The following GPBP1 variants were observed in gnomAD, a reference collection of about 807,000 sequenced individuals.
The protein encoded by GPBP1 is vasculin.
Under a neutral mutation model 56.5 loss-of-function variants are expected in GPBP1, and 13 were observed. The observed-to-expected ratio is 0.23, with a 90% CI of 0.15 to 0.37. The LOEUF is 0.37. GPBP1 is among the 10% of genes least tolerant of loss of function. The pLI is 1.00. For missense variants in GPBP1, 477 were observed against 572.3 expected, an observed-to-expected ratio of 0.83 and a Z score of 1.70; for synonymous variants, 204 against 188.9, an observed-to-expected ratio of 1.08 and a Z score of -0.66.
chr5:57,257,543 G>A (rs545064748), intron 10 of GPBP1, among the ~76,000 whole-genome samples: 79 of 152,256 alleles, frequency 5.2e-4, no homozygotes, highest in South Asian at 4.1e-4. Context: ...AAATTCAGAG[G>A]GTTTGGGGAT....
chr5:57,254,440 A>G lies in GPBP1; in HGVS notation c.1160+3299A>G, dbSNP rs142350600. Among the ~76,000 whole-genome samples, 87 of 152,260 alleles carry G rather than the reference A, an allele frequency of 5.7e-4. 1 individual carries two copies. The East Asian group carries it at 0.017, about 29-fold the overall frequency. ...CTGGGCGTTGTGGCTCACACCTGTA[A>G]TCCCAGCACTTTGGAAGGCTAAGGT... On this transcript the variant is annotated intron_variant, in intron 10 of 11. Coordinates refer to ENST00000506184, the MANE Select transcript of GPBP1 (RefSeq NM_022913.4).
In GPBP1 at chr5:57,177,946, GT is replaced by G. The variant is rs569379487; in HGVS notation, c.-58+1554del. Among the ~76,000 whole-genome samples the G allele has an allele frequency of 1.3e-4, 20 of 151,758 alleles. 1 individual carries two copies. Among genetic ancestry groups the G allele is most frequent in the African/African-American group, 3.1e-4 (13 of 41,382 alleles). On this transcript the variant is annotated intron_variant, in intron 2 of 11. Coordinates refer to ENST00000506184, the MANE Select transcript of GPBP1 (RefSeq NM_022913.4). ...AAAGTGGTAGTAAATGTAAAATAGA[GT>G]TTTTTTTCTCTGAAATTGATATTAG...
In GPBP1 at chr5:57,228,281, C is replaced by T. The variant is rs540226746; in HGVS notation, c.64-2565C>T. The stretch of plus-strand genomic sequence containing the variant: ...ACCAGCCTGGCCAATATGGTGAAAC[C>T]CCATCTCTACTGAAAGTACAAAAAT... On this transcript the variant is annotated intron_variant, in intron 3 of 11. Coordinates refer to ENST00000506184, the MANE Select transcript of GPBP1 (RefSeq NM_022913.4). Among the ~76,000 whole-genome samples the T allele has an allele frequency of 3.3e-5, 5 of 152,006 alleles. No individual in the cohort carries two copies. In the South Asian group the frequency reaches 1.0e-3, roughly 32 times the overall value.
chr5:57,187,401 CTT>C (rs1754338537), intron 2 of GPBP1, among the ~76,000 whole-genome samples: 2 of 152,274 alleles, frequency 1.3e-5, no homozygotes, highest in Non-Finnish European at 2.9e-5. Flanking sequence ...ATTTGGGACT[CTT>C]CTCTCTTGAG....
At chr5:57,248,271 C>A (rs1741185454) in intron 8 of GPBP1, among the ~76,000 whole-genome samples, 1 of 151,978 alleles carries the variant, frequency 6.6e-6, no homozygotes, top group African/African-American at 2.4e-5. Context: ...CCTGGTAGTT[C>A]AGGTATTTTC....
chr5:57,246,371 C>G lies in GPBP1; in HGVS notation c.550C>G (p.Gln184Glu), dbSNP rs144970283. The G allele has an allele frequency of 1.4e-5, 23 of 1,613,530 alleles. No homozygotes were observed. Among genetic ancestry groups the G allele is most frequent in the Non-Finnish European group, 1.9e-5 (22 of 1,179,488 alleles). Residue 184 changes from glutamine to glutamate, a missense_variant, in exon 7 of 12, where the codon CAG (glutamine) becomes GAG (glutamate). Physicochemically the swap from Gln to Glu is conservative, Grantham distance 29. This residue lies in a region of GPBP1 where 414 missense variants were observed against 458.2 expected (regional missense o/e 0.90). Coordinates refer to ENST00000506184, the MANE Select transcript of GPBP1 (RefSeq NM_022913.4). ...VIKKGNTKDL[Q>E]LSGFPVVGNL... ...TAAGAAAGGTAATACAAAAGACTTA[C>G]AGCTATCTGGATTCCCAGTAGTAGG...
intron 2 of GPBP1, among the ~76,000 whole-genome samples, chr5:57,198,843 T>C (rs1394117148): frequency 6.6e-6 from 1 of 152,170 alleles, no homozygotes; most frequent in African/African-American, 2.4e-5. Flanking sequence ...ATTTAACTCT[T>C]TTTGGTACTT....
chr5:57,244,342 T>A (rs1010636514), intron 6 of GPBP1, among the ~76,000 whole-genome samples: 7 of 152,370 alleles, frequency 4.6e-5, no homozygotes, highest in African/African-American at 1.4e-4. Flanking sequence ...TGTGTTTGGT[T>A]TCCTCCCTTA....
intron 3 of GPBP1, among the ~76,000 whole-genome samples, chr5:57,220,276 T>G (rs1461267877): frequency 6.6e-6 from 1 of 151,898 alleles, no homozygotes; most frequent in Admixed American, 6.6e-5. Context: ...TGTGAGCCAT[T>G]GAGCCTGGCT....
intron 3 of GPBP1, among the ~76,000 whole-genome samples, chr5:57,222,239 T>C (rs1188836241): frequency 2.0e-5 from 3 of 152,138 alleles, no homozygotes; most frequent in Admixed American, 6.5e-5. Context: ...AAAACACTTA[T>C]ATTAAGGTAA....
rs150835297 is a variant in GPBP1 at position 57,189,606 on chromosome 5, G to A, written c.-58+13206G>A. Among the ~76,000 whole-genome samples the A allele has an allele frequency of 2.4e-3, 370 of 152,248 alleles. 3 individuals carry two copies. The highest frequency in any genetic ancestry group is 8.3e-3 in the African/African-American group (346 of 41,546). ...GTGGTAGCCTTTTAACTTTATTCCTGTACCATTGTGTACTCTATTTCATTA... is the reference window on the plus strand; with the variant it reads ...GTGGTAGCCTTTTAACTTTATTCCTATACCATTGTGTACTCTATTTCATTA... On this transcript the variant is annotated intron_variant, in intron 2 of 11. Transcript: ENST00000506184.
intron 2 of GPBP1, among the ~76,000 whole-genome samples, chr5:57,212,469 T>A (rs1755529903): frequency 6.6e-6 from 1 of 152,122 alleles, no homozygotes; most frequent in African/African-American, 2.4e-5. Context: ...TATATTTTGG[T>A]TAGACATAGT....
chr5:57,228,088 G>T (rs1756274569), intron 3 of GPBP1, among the ~76,000 whole-genome samples: 1 of 152,138 alleles, frequency 6.6e-6, no homozygotes, highest in Non-Finnish European at 1.5e-5. Context: ...ATTTAAAATA[G>T]TAACAAGTAC....
At chr5:57,245,316 T>C (rs1456972224) in intron 6 of GPBP1, among the ~76,000 whole-genome samples, 1 of 152,208 alleles carries the variant, frequency 6.6e-6, no homozygotes, top group Non-Finnish European at 1.5e-5. Flanking sequence ...ATACCGGCTT[T>C]ATCTTTTGGA....
chr5:57,257,889 G>A (rs1437580235), intron 10 of GPBP1, among the ~76,000 whole-genome samples: 7 of 152,306 alleles, frequency 4.6e-5, no homozygotes, highest in African/African-American at 1.7e-4. Context: ...TGTTTTAAGG[G>A]TGTTGAGTGG....
chr5:57,262,899 C>A lies in GPBP1; in HGVS notation c.*147C>A. ...TGGGGGACTTCAATATGAAGAAAAC[C>A]AAGAATGTTTTGTTGGGCTGTGTTG... is the stretch of plus-strand genomic sequence containing the variant. On this transcript the variant is annotated 3_prime_UTR_variant, in exon 12 of 12. Transcript: ENST00000506184. The A allele has an allele frequency of 1.6e-6, 1 of 635,866 alleles. No individual in the cohort carries two copies. Among genetic ancestry groups the A allele is most frequent in the Non-Finnish European group, 2.7e-6 (1 of 371,936 alleles). The allele number at this position is 635,866 out of a possible 1,614,324, so 39.4% of individuals were successfully genotyped here.
chr5:57,249,357 G>A, intron 8 of GPBP1, 52 bp from the exon 9 acceptor site: 1 of 1,385,146 alleles, frequency 7.2e-7, no homozygotes, highest in South Asian at 1.4e-5. Context: ...ATTTTATGTT[G>A]ACATTGATTC....
At chr5:57,190,694 CTTTT>C (rs773540051) in intron 2 of GPBP1, among the ~76,000 whole-genome samples, 25 of 68,864 alleles carry the variant, frequency 3.6e-4, no homozygotes, top group African/African-American at 1.3e-3. Flanking sequence ...TTGCTGTTAG[CTTTT>C]TTTTTTTTTT....
chr5:57,188,382 T>G (rs986678270), intron 2 of GPBP1, among the ~76,000 whole-genome samples: 1 of 152,172 alleles, frequency 6.6e-6, no homozygotes, highest in Admixed American at 6.5e-5. Flanking sequence ...AGATCTTCTC[T>G]CCATATTCCA....
Sources: allele counts gnomAD v4.1 joint callset (sites outside exome capture counted in the v4.1 genomes callset), GRCh38; gene constraint gnomAD v4.1.1; regional missense constraint gnomAD v4.1.1; transcripts MANE v1.5; gene names NCBI Gene and HGNC (gene_info 2026-07-23, HGNC 2026-07-21).